Variants in CAPN8 observed in about 807,000 individuals in gnomAD.
CAPN8 encodes calpain-8.
Under a neutral mutation model 80.9 loss-of-function variants are expected in CAPN8, and 87 were observed. The observed-to-expected ratio is 1.07, with a 90% CI of 0.90 to 1.28. CAPN8 has a LOEUF of 1.28. Ranked by LOEUF, CAPN8 falls within the 50% of genes most tolerant of loss-of-function variation. The probability of loss-of-function intolerance (pLI) is 0.00; values close to 1 mark genes in which losing one functional copy is unlikely to be tolerated. For missense variants in CAPN8, 757 were observed against 702.0 expected, an observed-to-expected ratio of 1.08 and a Z score of -0.89; for synonymous variants, 299 against 273.8, an observed-to-expected ratio of 1.09 and a Z score of -0.91.
At chr1:223,658,663 A>G (rs946604548) in intron 1 of CAPN8, among the ~76,000 whole-genome samples, 1 of 152,128 alleles carries the variant, frequency 6.6e-6, no homozygotes, top group Non-Finnish European at 1.5e-5. Context: ...AAAACTAGCC[A>G]GGCATGGTGG....
At chr1:223,663,720 C>T (rs1658712418) in intron 1 of CAPN8, among the ~76,000 whole-genome samples, 1 of 152,256 alleles carries the variant, frequency 6.6e-6, no homozygotes, top group South Asian at 2.1e-4. Context: ...CTATAGGTTT[C>T]AGAGGGGAAT....
At chr1:223,627,885 T>G in intron 4 of CAPN8, 124 bp downstream of exon 4, 1 of 1,141,660 alleles carries the variant, frequency 8.8e-7, no homozygotes, top group Non-Finnish European at 1.2e-6. Flanking sequence ...CTCATGGGGG[T>G]CTGGATGCTG....
chr1:223,654,290 C>T, intron 2 of CAPN8, 40 bp downstream of exon 2: 1 of 1,526,592 alleles, frequency 6.6e-7, no homozygotes, highest in Non-Finnish European at 8.9e-7. Context: ...TACACACCCG[C>T]CCTCTCCCAA....
In CAPN8 at chr1:223,619,386, G is replaced by A. The variant is rs558644268; in HGVS notation, c.1042C>T (p.Leu348=). ...LEICNLSPDS[L]SSEEVHKWNL... ...CATTTGTGCACCTCCTCGCTACTCA[G>A]AGAGTCCGGGGACAGGTTGCAGATC... The change falls in exon 9 of 21, where the codon CTG becomes TTG. Residue 348 remains leucine (L), a synonymous_variant. Coordinates refer to ENST00000366872, the MANE Select transcript of CAPN8 (RefSeq NM_001143962.2). The A allele has an allele frequency of 5.2e-6, 8 of 1,551,710 alleles. No homozygotes were observed. In the African/African-American group the frequency reaches 1.1e-4, roughly 21 times the overall value.
intron 1 of CAPN8, among the ~76,000 whole-genome samples, chr1:223,654,842 A>AT (rs35365292): frequency 0.3 from 33,793 of 111,680 alleles, 5,487 homozygotes; most frequent in South Asian, 0.37. Context: ...CACCCGGCTA[A>AT]TTTTTTTTTT....
intron 2 of CAPN8, among the ~76,000 whole-genome samples, chr1:223,634,968 G>A (rs74145953): frequency 0.031 from 4,720 of 152,228 alleles, 172 homozygotes; most frequent in African/African-American, 0.089. Flanking sequence ...ACCTTTAATC[G>A]GCTAGTTTAT....
rs1315237000 is a variant in CAPN8, at chr1:223,660,155, C to A, written c.237+5255G>T. 2.0e-5 allele frequency among the ~76,000 whole-genome samples: 3 copies of A among 152,202 alleles called. No homozygotes were observed. In the East Asian group the frequency reaches 5.8e-4, roughly 29 times the overall value. ...CCTTGACATTTCTCTTAAACTAGGT[C>A]CTTATTATGCAGCTGACATCACTTC... On this transcript the variant is annotated intron_variant, in intron 1 of 20. Transcript: ENST00000366872.
intron 14 of CAPN8, among the ~76,000 whole-genome samples, chr1:223,552,629 A>G (rs1201338265): frequency 6.7e-6 from 1 of 149,940 alleles, no homozygotes; most frequent in Non-Finnish European, 1.5e-5. Flanking sequence ...GACTACCCCC[A>G]TTAGCCTGCC....
chr1:223,548,604 A>G (rs1454494434), intron 16 of CAPN8, among the ~76,000 whole-genome samples: 1 of 152,190 alleles, frequency 6.6e-6, no homozygotes, highest in Non-Finnish European at 1.5e-5. Context: ...TTATAGCAAG[A>G]AGATGCCATC....
intron 5 of CAPN8, 28 bp from the exon 6 acceptor site, chr1:223,625,916 G>A: frequency 6.5e-7 from 1 of 1,535,724 alleles, no homozygotes. Context: ...TCCACTCAGT[G>A]GCTGACCCTG....
intron 10 of CAPN8, among the ~76,000 whole-genome samples, chr1:223,614,199 G>A (rs1657107156): frequency 6.6e-6 from 1 of 152,150 alleles, no homozygotes; most frequent in Non-Finnish European, 1.5e-5. Flanking sequence ...AGGAATTTGA[G>A]ACCAGCCTGG....
rs550800579 is a variant in CAPN8, at chr1:223,655,992, C to A, written c.238-1593G>T. 3.3e-5 allele frequency among the ~76,000 whole-genome samples: 5 copies of A among 152,212 alleles called. No individual in the cohort carries two copies. The South Asian group carries it at 6.2e-4, about 19-fold the overall frequency. Reference sequence around the variant, plus strand: ...GGGCAGATCAGAAAGGACCAGGAAGCAGGAGGGTGGGCTGAGGGCAGATGC... The same window carrying A: ...GGGCAGATCAGAAAGGACCAGGAAGAAGGAGGGTGGGCTGAGGGCAGATGC... On this transcript the variant is annotated intron_variant, in intron 1 of 20. Coordinates refer to ENST00000366872, the MANE Select transcript of CAPN8 (RefSeq NM_001143962.2).
At chr1:223,634,319 C>A (rs1263181807) in intron 2 of CAPN8, among the ~76,000 whole-genome samples, 2 of 152,098 alleles carry the variant, frequency 1.3e-5, no homozygotes, top group African/African-American at 4.8e-5. Flanking sequence ...GTCCACTGGA[C>A]CCTGAGGAAA....
At chr1:223,553,314 A>T (rs1656839712) in intron 14 of CAPN8, among the ~76,000 whole-genome samples, 1 of 152,182 alleles carries the variant, frequency 6.6e-6, no homozygotes, top group South Asian at 2.1e-4. Context: ...CCCAAGTTGC[A>T]TTCATGTCGG....
In CAPN8 at chr1:223,628,153, G is replaced by A. The variant is rs1302521871; in HGVS notation, c.427-11C>T. Reference sequence around the variant, plus strand: ...TCCGTACTGCCAGAACTGGGGAGGGGGGACACAGCGGCTGCTCACATGAAT... The same window carrying A: ...TCCGTACTGCCAGAACTGGGGAGGGAGGACACAGCGGCTGCTCACATGAAT... On this transcript the variant is annotated splice_polypyrimidine_tract_variant and intron_variant, in intron 3 of 20. Transcript: ENST00000366872. 8 of 1,537,764 alleles carry A rather than the reference G, an allele frequency of 5.2e-6. No homozygotes were observed. Among genetic ancestry groups the A allele is most frequent in the Non-Finnish European group, 7.0e-6 (8 of 1,138,818 alleles).
At chr1:223,543,231 A>G in intron 19 of CAPN8, 65 bp from the exon 20 acceptor site, 1 of 1,527,428 alleles carries the variant, frequency 6.5e-7, no homozygotes, top group Non-Finnish European at 8.9e-7. Context: ...ACAATCAGAG[A>G]GCTGCCTCTG....
At chr1:223,632,296 C>T (rs1046170904) in intron 2 of CAPN8, among the ~76,000 whole-genome samples, 4 of 152,226 alleles carry the variant, frequency 2.6e-5, no homozygotes, top group Admixed American at 1.3e-4. Flanking sequence ...TGGACATTTA[C>T]TCTGCTGTTC....
chr1:223,649,213 C>T (rs187976687), intron 2 of CAPN8, among the ~76,000 whole-genome samples: 27 of 152,326 alleles, frequency 1.8e-4, no homozygotes, highest in Admixed American at 1.2e-3. Context: ...CACATAGAGA[C>T]GATTCAAGTC....
intron 2 of CAPN8, among the ~76,000 whole-genome samples, chr1:223,629,197 A>AGAGTGTGTGTGT (rs373877760): frequency 1.0e-5 from 1 of 95,240 alleles, no homozygotes; most frequent in African/African-American, 3.6e-5. Flanking sequence ...TACGTGTAAG[A>AGAGTGTGTGTGT]GTGTGTGTGT....
Sources: allele counts gnomAD v4.1 joint callset (sites outside exome capture counted in the v4.1 genomes callset), GRCh38; gene constraint gnomAD v4.1.1; transcripts MANE v1.5; gene names NCBI Gene and HGNC (gene_info 2026-07-23, HGNC 2026-07-21).